The following CRYM variants were observed in gnomAD, a reference collection of about 807,000 sequenced individuals.
The protein encoded by CRYM is ketimine reductase mu-crystallin.
In CRYM, 18 loss-of-function variants were observed where a neutral mutation model predicts 32.9. The observed-to-expected ratio is 0.55, with a 90% CI of 0.38 to 0.81. The LOEUF is 0.81. Among genes scored for constraint, CRYM ranks in the 30% least tolerant of loss-of-function variants. CRYM has a pLI of 0.00. For synonymous variants in CRYM, 153 were observed against 152.4 expected (o/e 1.00, Z -0.03); for missense variants, 337 against 393.5 (o/e 0.86, Z 1.21).
At chr16:21,271,705 A>G (rs1306989826) in intron 3 of CRYM, among the ~76,000 whole-genome samples, 4 of 152,194 alleles carry the variant, frequency 2.6e-5, no homozygotes, top group Admixed American at 2.6e-4. Context: ...CTCAGTTAAT[A>G]TGAATCTATT....
intron 1 of CRYM, among the ~76,000 whole-genome samples, chr16:21,299,130 G>T (rs1960846574): frequency 6.6e-6 from 1 of 151,888 alleles, no homozygotes; most frequent in Non-Finnish European, 1.5e-5. Context: ...TTCTTATTAT[G>T]ATTAATCCTT....
chr16:21,266,943 G>A (rs1464890216), intron 5 of CRYM, among the ~76,000 whole-genome samples: 2 of 151,884 alleles, frequency 1.3e-5, no homozygotes, highest in Non-Finnish European at 2.9e-5. Flanking sequence ...GGAGGCAGAG[G>A]TTGCAGTGAG....
rs2093390051 is a variant in CRYM, at chr16:21,277,819, G to A, written c.171-235C>T. Among the ~76,000 whole-genome samples, 1 of 152,088 alleles carries A rather than the reference G, an allele frequency of 6.6e-6. No homozygotes were observed. The highest frequency in any genetic ancestry group is 2.1e-4 in the South Asian group (1 of 4,816). ...TTAGTAGCTGTGTAAGCTTAGGTAA[G>A]TCACTTAACCTCTCTGAGTCTCAGT... On this transcript the variant is annotated intron_variant, in intron 1 of 7. Coordinates refer to ENST00000572914, the MANE Select transcript of CRYM (RefSeq NM_001376256.1). The surrounding 1 kb of genome is among the most constrained non-coding windows in gnomAD (Gnocchi z 4.2).
intron 3 of CRYM, among the ~76,000 whole-genome samples, chr16:21,273,258 G>A (rs1157977171): frequency 6.6e-6 from 1 of 152,090 alleles, no homozygotes; most frequent in Non-Finnish European, 1.5e-5. Flanking sequence ...TCCCCAACAA[G>A]AGCCCTAAAT....
chr16:21,265,001 AC>A (rs2093361222), intron 5 of CRYM, among the ~76,000 whole-genome samples: 3 of 151,990 alleles, frequency 2.0e-5, no homozygotes, highest in Non-Finnish European at 2.9e-5. Context: ...AGCTACCCAC[AC>A]CCAGTCTCCT....
exon 1 of CRYM, chr16:21,302,995 G>A: frequency 6.5e-6 from 1 of 154,084 alleles, no homozygotes; most frequent in Non-Finnish European, 1.4e-5. Flanking sequence ...CGTGGCTGAG[G>A]AGGCCTCACA....
chr16:21,281,107 TCA>T (rs1325474439), upstream of CRYM, among the ~76,000 whole-genome samples: 7 of 127,004 alleles, frequency 5.5e-5, no homozygotes, highest in African/African-American at 2.0e-4. Flanking sequence ...TCTCTCTCTC[TCA>T]CTCTCTCTCT....
rs2093390564 is a variant in CRYM at position 21,278,021 on chromosome 16, T to A, written c.170+61A>T. On this transcript the variant is annotated intron_variant, in intron 1 of 7. Transcript: ENST00000572914. The stretch of plus-strand genomic sequence containing the variant: ...TCCCTTCTCCCACCCCTCCTCTTCC[T>A]GCTCCTCCTTTCCCCGCTTTCCAGT... The A allele has an allele frequency of 2.7e-6, 4 of 1,482,736 alleles. 1 individual carries two copies. The South Asian group carries it at 5.0e-5, about 19-fold the overall frequency. 91.8% of individuals were successfully genotyped at this position (1,482,736 alleles called of 1,614,324 possible).
chr16:21,278,016 C>T, intron 1 of CRYM, 66 bp downstream of exon 1: 3 of 1,494,612 alleles, frequency 2.0e-6, no homozygotes, highest in Non-Finnish European at 2.7e-6. Context: ...CACCCCTCCT[C>T]TTCCTGCTCC....
intron 4 of CRYM, among the ~76,000 whole-genome samples, 187 bp from the exon 5 acceptor site, chr16:21,267,924 C>T (rs1234372273): frequency 6.6e-6 from 1 of 152,202 alleles, no homozygotes; most frequent in African/African-American, 2.4e-5. Flanking sequence ...AACTTAGACA[C>T]CTAGCCAGGT....
chr16:21,278,121 T>C lies in CRYM; in HGVS notation c.131A>G (p.Gln44Arg). The change falls in exon 1 of 8, where the codon CAG becomes CGG. Residue 44 changes from glutamine to arginine, a missense_variant. Physicochemically the swap from Gln to Arg is conservative, Grantham distance 43. Coordinates refer to ENST00000572914, the MANE Select transcript of CRYM (RefSeq NM_001376256.1). ...CACCGGCACCACGGTGCGCACGGGC[T>C]GCATGACCCCTCCTTCGGGACCGCT... ...FSSGPEGGVMQPVRTVVPVTK... is the reference protein window; with the variant it reads ...FSSGPEGGVMRPVRTVVPVTK... 1 of 1,549,220 alleles carries C rather than the reference T, an allele frequency of 6.5e-7. No individual in the cohort carries two copies. The highest frequency in any genetic ancestry group is 8.7e-7 in the Non-Finnish European group (1 of 1,147,082).
chr16:21,276,220 A>G (rs1223488999), intron 2 of CRYM, among the ~76,000 whole-genome samples: 1 of 152,216 alleles, frequency 6.6e-6, no homozygotes, highest in South Asian at 2.1e-4. Flanking sequence ...TCATCAAAAA[A>G]TAGGCATCAT....
chr16:21,297,913 G>A (rs1279598496), intron 1 of CRYM, among the ~76,000 whole-genome samples: 7 of 152,192 alleles, frequency 4.6e-5, no homozygotes, highest in Admixed American at 3.3e-4. Flanking sequence ...GTATCACAGA[G>A]GTTAAAAATA....
chr16:21,291,674 C>T (rs1338682473), intron 1 of CRYM, among the ~76,000 whole-genome samples: 1 of 152,122 alleles, frequency 6.6e-6, no homozygotes, highest in African/African-American at 2.4e-5. Flanking sequence ...GATGAAACTT[C>T]TCAACATCTT....
intron 1 of CRYM, among the ~76,000 whole-genome samples, chr16:21,296,110 G>T (rs1960782819): frequency 6.6e-6 from 1 of 152,066 alleles, no homozygotes; most frequent in South Asian, 2.1e-4. Context: ...GCTAATTTTT[G>T]TATTTTTAGT....
chr16:21,272,426 C>T (rs373343197), intron 3 of CRYM, among the ~76,000 whole-genome samples: 6 of 152,140 alleles, frequency 3.9e-5, no homozygotes, highest in Non-Finnish European at 5.9e-5. Flanking sequence ...TGCAGCTTCC[C>T]AAGCTCATGT....
At chr16:21,281,727 C>A (rs979509180), upstream of CRYM, among the ~76,000 whole-genome samples, 26 of 152,262 alleles carry the variant, frequency 1.7e-4, no homozygotes, top group African/African-American at 6.3e-4. Context: ...GCCTTCATGT[C>A]CTGAAAAGAC....
intron 7 of CRYM, among the ~76,000 whole-genome samples, chr16:21,259,547 T>C (rs141306306): frequency 6.6e-6 from 1 of 152,356 alleles, no homozygotes; most frequent in East Asian, 1.9e-4. Context: ...GGCTGTGGGC[T>C]GTGTTCCAGT....
Position 21,267,546 on chromosome 16 carries a change from C to G in CRYM, c.673+8G>C, listed in dbSNP as rs1445034072. The G allele has an allele frequency of 6.2e-7, 1 of 1,613,206 alleles. No individual in the cohort carries two copies. The highest frequency in any genetic ancestry group is 1.3e-5 in the African/African-American group (1 of 74,906). ...ACCCATCATGCCTTATGGAGCCACTCTACTTACCATTGATGTGAGCCCCTG... is the reference window on the plus strand; with the variant it reads ...ACCCATCATGCCTTATGGAGCCACTGTACTTACCATTGATGTGAGCCCCTG... On this transcript the variant is annotated splice_region_variant and intron_variant, in intron 5 of 7. Transcript: ENST00000572914.
Sources: allele counts gnomAD v4.1 joint callset (sites outside exome capture counted in the v4.1 genomes callset), GRCh38; gene constraint gnomAD v4.1.1; non-coding constraint Gnocchi (gnomAD v3.1); transcripts MANE v1.5; gene names NCBI Gene and HGNC (gene_info 2026-07-23, HGNC 2026-07-21).